Variants in RXFP2 observed in about 807,000 individuals in gnomAD.
RXFP2 encodes the protein relaxin family peptide receptor 2.
In RXFP2, 68 loss-of-function variants were observed where a neutral mutation model predicts 88.6. That is an observed-to-expected ratio of 0.77 (90% CI 0.63 to 0.94). The LOEUF (loss-of-function observed/expected upper bound fraction) is 0.94. RXFP2 is among the 40% of genes least tolerant of loss of function. RXFP2 has a pLI of 0.00. For missense variants in RXFP2, 791 were observed against 893.9 expected (o/e 0.88, Z 1.47); for synonymous variants, 329 against 306.8 (o/e 1.07, Z -0.76).
At chr13:31,782,583 T>C (rs1873335094) in intron 10 of RXFP2, 93 bp from the exon 11 acceptor site, 1 of 945,710 alleles carries the variant, frequency 1.1e-6, no homozygotes, top group South Asian at 1.3e-5. Context: ...AGGAGGCTTA[T>C]AAAATTCTGC....
intron 17 of RXFP2, among the ~76,000 whole-genome samples, chr13:31,799,929 C>A (rs1874250884): frequency 6.6e-6 from 1 of 152,132 alleles, no homozygotes; most frequent in African/African-American, 2.4e-5. Context: ...GTCTACGACA[C>A]CTCAGATCAT....
At chr13:31,782,191 A>T (rs1192107559) in intron 10 of RXFP2, among the ~76,000 whole-genome samples, 2 of 152,188 alleles carry the variant, frequency 1.3e-5, no homozygotes, top group Non-Finnish European at 1.5e-5. Context: ...TTGGCCAAAG[A>T]TTCTGCCTCA....
intron 16 of RXFP2, among the ~76,000 whole-genome samples, chr13:31,793,953 G>A (rs746218511): frequency 1.2e-4 from 19 of 152,094 alleles, no homozygotes; most frequent in Non-Finnish European, 1.8e-4. Context: ...TACTGGTCTC[G>A]TAACCTCTGG....
intron 2 of RXFP2, among the ~76,000 whole-genome samples, chr13:31,759,375 G>GAGAA (rs71099990): frequency 0.12 from 2,864 of 22,956 alleles, 600 homozygotes; most frequent in African/African-American, 0.14. Context: ...CATTTGGATT[G>GAGAA]AGAAAGAAAG....
chr13:31,768,442 A>G (rs1480926663), intron 5 of RXFP2, among the ~76,000 whole-genome samples: 2 of 152,152 alleles, frequency 1.3e-5, no homozygotes, highest in African/African-American at 4.8e-5. Context: ...TTTGGCTTTG[A>G]TCTCCAAAGT....
chr13:31,750,320 A>G (rs1871610908), intron 1 of RXFP2, among the ~76,000 whole-genome samples: 1 of 152,114 alleles, frequency 6.6e-6, no homozygotes, highest in African/African-American at 2.4e-5. Context: ...AGCCAAATGT[A>G]TTCCTTTGAA....
At position 31,803,317 on chromosome 13, in the gene RXFP2, G is replaced by T. The variant is rs1304893679; in HGVS notation, c.*912G>T. On this transcript the variant is annotated 3_prime_UTR_variant, in exon 18 of 18. Coordinates refer to ENST00000298386, the MANE Select transcript of RXFP2 (RefSeq NM_130806.5). ...CAAAAAAGCAATGAAGTTTGGGGTG[G>T]TTTTTTGAAAACGAAACTGAAAAAA... The T allele has an allele frequency of 2.0e-5, 3 of 152,062 alleles. No individual in the cohort carries two copies. The highest frequency in any genetic ancestry group is 7.2e-5 in the African/African-American group (3 of 41,386). 9.4% of individuals were successfully genotyped at this position (152,062 alleles called of 1,614,324 possible).
intron 7 of RXFP2, among the ~76,000 whole-genome samples, chr13:31,776,499 G>C (rs1440267727): frequency 6.6e-6 from 1 of 151,790 alleles, no homozygotes; most frequent in African/African-American, 2.4e-5. Context: ...GAGCTCAAGC[G>C]ATCTGCCTGC....
chr13:31,789,755 C>T (rs964596336), intron 14 of RXFP2, among the ~76,000 whole-genome samples: 6 of 152,158 alleles, frequency 3.9e-5, no homozygotes, highest in African/African-American at 7.2e-5. Context: ...GTGTTCATGA[C>T]TTCAAAAATT....
At chr13:31,786,150 G>A (rs755054366) in intron 11 of RXFP2, among the ~76,000 whole-genome samples, 15 of 152,090 alleles carry the variant, frequency 9.9e-5, no homozygotes, top group Admixed American at 4.6e-4. Flanking sequence ...TTTGAGAGAG[G>A]GTAAGAGGAA....
chr13:31,777,436 C>T lies in RXFP2; in HGVS notation c.702C>T (p.Ser234=), dbSNP rs750424479. 4 of 1,607,496 alleles carry T rather than the reference C, an allele frequency of 2.5e-6. No individual in the cohort carries two copies. In the Admixed American group the frequency reaches 5.0e-5, roughly 20 times the overall value. The change falls in exon 8 of 18, where the codon TCC becomes TCT. Residue 234 remains serine, a synonymous_variant. Coordinates refer to ENST00000298386, the MANE Select transcript of RXFP2 (RefSeq NM_130806.5). ...AGCGCTTGTTTACGGGATTAAATTC[C>T]TTGTTTTTCCTGTAAGTATTCATCA... The part of the protein sequence containing the change: ...ISQRLFTGLN[S]LFFLSMVNNY...
rs552917523 is a variant in RXFP2 at position 31,745,499 on chromosome 13, A to G, written c.94+5793A>G. Among the ~76,000 whole-genome samples the G allele has an allele frequency of 2.6e-5, 4 of 152,322 alleles. No homozygotes were observed. In the South Asian group the frequency reaches 8.3e-4, roughly 32 times the overall value. The stretch of plus-strand genomic sequence containing the variant: ...ATACCCCATGCTTTGTCAGGGGCTG[A>G]GTCCCAATGCTTGGCTTCATGCAGA... On this transcript the variant is annotated intron_variant, in intron 1 of 17. Coordinates refer to ENST00000298386, the MANE Select transcript of RXFP2 (RefSeq NM_130806.5).
rs201811809 is a variant in RXFP2 at position 31,797,330 on chromosome 13, G to T, written c.1916G>T (p.Arg639Leu). 1 of 1,614,086 alleles carries T rather than the reference G, an allele frequency of 6.2e-7. No homozygotes were observed. Among genetic ancestry groups the T allele is most frequent in the South Asian group, 1.1e-5 (1 of 91,074 alleles). ...GGAAGAGAGGTGGCTGTTGCAAATC[G>T]TTTCTTTTTTATAGTGTTCTCTGAT... is the stretch of plus-strand genomic sequence containing the variant. Reference protein sequence around the residue: ...CFGREVAVANRFFFIVFSDAI... With the variant: ...CFGREVAVANLFFFIVFSDAI... The change falls in exon 17 of 18, where the codon CGT becomes CTT. Residue 639 changes from arginine (R) to leucine (L), a missense_variant. By Grantham distance (102) the Arg-to-Leu change is moderately radical. Coordinates refer to ENST00000298386, the MANE Select transcript of RXFP2 (RefSeq NM_130806.5).
At chr13:31,792,646 T>G in intron 15 of RXFP2, 32 bp from the exon 16 acceptor site, 1 of 1,605,558 alleles carries the variant, frequency 6.2e-7, no homozygotes, top group African/African-American at 1.3e-5. Context: ...CATTGGAAAC[T>G]GATGACATAC....
At chr13:31,790,270 G>T (rs191494115) in intron 14 of RXFP2, among the ~76,000 whole-genome samples, 3 of 152,088 alleles carry the variant, frequency 2.0e-5, no homozygotes. Context: ...GCGCAAGGGG[G>T]CCCTGAACCA....
chr13:31,795,609 T>G (rs576646008), intron 16 of RXFP2, among the ~76,000 whole-genome samples: 4 of 152,382 alleles, frequency 2.6e-5, no homozygotes, highest in African/African-American at 9.6e-5. Flanking sequence ...GGCTTTATAC[T>G]ATGATTTCAT....
At chr13:31,769,754 T>C (rs1026345575) in intron 5 of RXFP2, among the ~76,000 whole-genome samples, 2 of 152,218 alleles carry the variant, frequency 1.3e-5, no homozygotes, top group African/African-American at 4.8e-5. Flanking sequence ...GTGTGCTACA[T>C]CTTGTACTCA....
At chr13:31,746,079 C>G (rs1035797536) in intron 1 of RXFP2, among the ~76,000 whole-genome samples, 1 of 152,180 alleles carries the variant, frequency 6.6e-6, no homozygotes, top group Non-Finnish European at 1.5e-5. Context: ...ACATAATTAT[C>G]GAGTTTCCAA....
chr13:31,784,992 G>T (rs539572206), intron 11 of RXFP2, among the ~76,000 whole-genome samples: 1 of 152,060 alleles, frequency 6.6e-6, no homozygotes. Flanking sequence ...TCCATAACCC[G>T]GAGTAAATGA....
Sources: gnomAD v4.1 joint callset for allele counts (sites outside exome capture counted in the v4.1 genomes callset) on GRCh38, gnomAD v4.1.1 for gene constraint, MANE v1.5 for transcripts, NCBI Gene and HGNC (gene_info 2026-07-23, HGNC 2026-07-21) for gene names.